DPP10: variants seen among roughly 807,000 people sequenced by gnomAD.
DPP10 encodes dipeptidyl peptidase like 10, also known as inactive dipeptidyl peptidase 10.
A neutral mutation model predicts 120.9 loss-of-function variants in DPP10; 33 were observed. The observed-to-expected ratio is 0.27, with a 90% confidence interval of 0.21 to 0.37. The LOEUF is 0.37. DPP10 is among the 10% of genes least tolerant of loss of function. DPP10 has a pLI of 1.00. For missense variants in DPP10, 816 were observed against 942.8 expected, an observed-to-expected ratio of 0.87 and a Z score of 1.76; for synonymous variants, 337 against 326.1, an observed-to-expected ratio of 1.03 and a Z score of -0.36.
chr2:114,520,421 C>A (rs1350052988), intron 1 of DPP10, among the ~76,000 whole-genome samples: 1 of 152,092 alleles, frequency 6.6e-6, no homozygotes, highest in African/African-American at 2.4e-5. Flanking sequence ...GGCAAAACAC[C>A]GACTGCAAGA....
chr2:115,412,567 T>C (rs1186224360), intron 3 of DPP10, among the ~76,000 whole-genome samples: 2 of 152,226 alleles, frequency 1.3e-5, no homozygotes, highest in African/African-American at 4.8e-5. Context: ...AGCATTATTA[T>C]TCCAGGATTG....
chr2:114,807,061 A>AT (rs1684795829), intron 1 of DPP10, among the ~76,000 whole-genome samples: 1 of 152,172 alleles, frequency 6.6e-6, no homozygotes, highest in Admixed American at 6.5e-5. Context: ...TTTCTTAAAC[A>AT]TTTTTTAAGT....
At chr2:115,573,342 G>C (rs2081452281) in intron 5 of DPP10, among the ~76,000 whole-genome samples, 1 of 130,374 alleles carries the variant, frequency 7.7e-6, no homozygotes, top group Non-Finnish European at 1.5e-5. Context: ...GAGTGCAGTT[G>C]TAGGATCTTG....
chr2:114,751,149 G>A (rs143576052), intron 1 of DPP10, among the ~76,000 whole-genome samples: 1 of 152,280 alleles, frequency 6.6e-6, no homozygotes, highest in African/African-American at 2.4e-5. Context: ...TTTAAATAAC[G>A]AATTTTAATA....
chr2:114,816,430 A>G (rs1364801219), intron 1 of DPP10, among the ~76,000 whole-genome samples: 1 of 152,202 alleles, frequency 6.6e-6, no homozygotes, highest in Non-Finnish European at 1.5e-5. Context: ...GACTTGGTCC[A>G]TGGGCCACCA....
chr2:114,549,861 G>A (rs1379826968), intron 1 of DPP10, among the ~76,000 whole-genome samples: 1 of 152,004 alleles, frequency 6.6e-6, no homozygotes, highest in Non-Finnish European at 1.5e-5. Context: ...TCCTATCCTG[G>A]AAAGCTCCCA....
rs537934636 is a variant in DPP10, at chr2:115,014,202, G to A, written c.61-295037G>A. 3.5e-3 allele frequency among the ~76,000 whole-genome samples: 533 copies of A among 152,178 alleles called. 2 individuals carry two copies. The highest frequency in any genetic ancestry group is 0.012 in the African/African-American group (492 of 41,528). On this transcript the variant is annotated intron_variant, in intron 1 of 25. Coordinates refer to ENST00000410059, the MANE Select transcript of DPP10 (RefSeq NM_020868.6). ...GAGATTAAGAAACTCACTCAAAACC[G>A]CACAACTACATGGAAACTGAACAAC...
intron 3 of DPP10, among the ~76,000 whole-genome samples, chr2:115,459,698 T>C (rs1574911859): frequency 6.6e-6 from 1 of 151,910 alleles, no homozygotes; most frequent in South Asian, 2.1e-4. Context: ...ATTGTAAACA[T>C]CAAAATTGTG....
intron 1 of DPP10, among the ~76,000 whole-genome samples, chr2:114,599,212 T>A (rs1028508167): frequency 1.3e-5 from 2 of 151,858 alleles, no homozygotes; most frequent in African/African-American, 4.8e-5. Context: ...AAGAAGAGAA[T>A]GAAGTAGGTT....
chr2:114,518,231 C>T lies in DPP10; in HGVS notation c.60+75393C>T, dbSNP rs187557625. On this transcript the variant is annotated intron_variant, in intron 1 of 25. Transcript: ENST00000410059. ...TAGTTGGGATTATAGGTACCCACCA[C>T]CACGCCTGGCTAATTTTTGTGTTTT... 3.1e-4 allele frequency among the ~76,000 whole-genome samples: 47 copies of T among 152,092 alleles called. No individual in the cohort carries two copies. The East Asian group carries it at 4.3e-3, about 14-fold the overall frequency.
At chr2:115,364,195 C>T (rs1355170189) in intron 3 of DPP10, among the ~76,000 whole-genome samples, 2 of 151,404 alleles carry the variant, frequency 1.3e-5, no homozygotes, top group Non-Finnish European at 2.9e-5. Flanking sequence ...GCCTGTATTT[C>T]CTCTCCTTTC....
chr2:115,146,380 G>C (rs1482526622), intron 1 of DPP10, among the ~76,000 whole-genome samples: 1 of 151,924 alleles, frequency 6.6e-6, no homozygotes, highest in Non-Finnish European at 1.5e-5. Context: ...TAGCAGTTTT[G>C]ATACTTTGTT....
At chr2:114,631,130 G>C (rs1354571563) in intron 1 of DPP10, among the ~76,000 whole-genome samples, 1 of 152,128 alleles carries the variant, frequency 6.6e-6, no homozygotes, top group Non-Finnish European at 1.5e-5. Context: ...TGGGAGGTGG[G>C]GAAGGAGATT....
intron 9 of DPP10, among the ~76,000 whole-genome samples, chr2:115,740,639 A>C (rs1677138303): frequency 6.6e-6 from 1 of 152,146 alleles, no homozygotes; most frequent in Non-Finnish European, 1.5e-5. Context: ...TATGTTCCAG[A>C]CAGCAAAACT....
At chr2:115,525,798 A>G (rs1019969215) in intron 4 of DPP10, 100 bp from the exon 5 acceptor site, 1 of 804,206 alleles carries the variant, frequency 1.2e-6, no homozygotes, top group Non-Finnish European at 1.9e-6. Flanking sequence ...TGAGAATGCC[A>G]TTTTATAGTG....
intron 5 of DPP10, among the ~76,000 whole-genome samples, chr2:115,544,340 A>T (rs1441871017): frequency 6.6e-6 from 1 of 152,062 alleles, no homozygotes; most frequent in East Asian, 1.9e-4. Context: ...ATATGTGTCC[A>T]TGATTGACAG....
intron 1 of DPP10, among the ~76,000 whole-genome samples, chr2:114,535,389 T>C (rs1323056252): frequency 1.3e-5 from 2 of 152,210 alleles, no homozygotes; most frequent in African/African-American, 2.4e-5. Context: ...ATTAGCCAAA[T>C]TGGGAAAATA....
chr2:115,323,479 A>C (rs781551909), intron 2 of DPP10, among the ~76,000 whole-genome samples: 11 of 152,160 alleles, frequency 7.2e-5, no homozygotes, highest in Non-Finnish European at 1.3e-4. Context: ...GTTAATGTTG[A>C]TATTTTGACC....
intron 3 of DPP10, among the ~76,000 whole-genome samples, chr2:115,498,856 G>A (rs2076540858): frequency 6.6e-6 from 1 of 151,768 alleles, no homozygotes; most frequent in Admixed American, 6.6e-5. Flanking sequence ...ATATGTAAAA[G>A]CAATTATCTG....
Sources: gnomAD v4.1 joint callset for allele counts (sites outside exome capture counted in the v4.1 genomes callset) on GRCh38, gnomAD v4.1.1 for gene constraint, MANE v1.5 for transcripts, NCBI Gene and HGNC (gene_info 2026-07-23, HGNC 2026-07-21) for gene names.